ELP2: variants seen among roughly 807,000 people sequenced by gnomAD.
ELP2 encodes the protein elongator acetyltransferase complex subunit 2.
Under a neutral mutation model 119.2 loss-of-function variants are expected in ELP2, and 90 were observed. The ratio of observed to expected loss-of-function variants is 0.75; its 90% CI spans 0.64 to 0.90. The LOEUF (loss-of-function observed/expected upper bound fraction) is 0.90. Ranked by LOEUF, ELP2 falls within the 40% of genes least tolerant of loss-of-function variation. The probability of loss-of-function intolerance (pLI) is 0.00; values close to 1 mark genes in which losing one functional copy is unlikely to be tolerated. For missense variants in ELP2, 921 were observed against 967.8 expected, an observed-to-expected ratio of 0.95 and a Z score of 0.64; for synonymous variants, 339 against 331.0, an observed-to-expected ratio of 1.02 and a Z score of -0.26.
At position 36,133,293 on chromosome 18, in the gene ELP2, A is replaced by G; in HGVS notation, c.194A>G (p.Gln65Arg). The G allele has an allele frequency of 1.9e-6, 3 of 1,613,662 alleles. No individual in the cohort carries two copies. The highest frequency in any genetic ancestry group is 2.5e-6 in the Non-Finnish European group (3 of 1,179,564). ...NGHTARVNCIQWICKQDGSPS... is the reference protein window; with the variant it reads ...NGHTARVNCIRWICKQDGSPS... Reference sequence around the variant, plus strand: ...CACACCGCCCGAGTCAATTGCATACAGTGGATTTGTAAACAGGATGGCTGT... The same window carrying G: ...CACACCGCCCGAGTCAATTGCATACGGTGGATTTGTAAACAGGATGGCTGT... Residue 65 changes from glutamine to arginine, a missense_variant, in exon 2 of 22, where the codon CAG becomes CGG. By Grantham distance (43) the Gln-to-Arg change is conservative. Transcript: ENST00000358232.
At chr18:36,143,534 G>T (rs1386751674) in intron 8 of ELP2, among the ~76,000 whole-genome samples, 1 of 149,948 alleles carries the variant, frequency 6.7e-6, no homozygotes, top group East Asian at 2.0e-4. Flanking sequence ...TTCCTGAGTA[G>T]CTAGGACTAC....
At chr18:36,143,075 T>G (rs2090086879) in intron 8 of ELP2, 109 bp downstream of exon 8, 2 of 777,594 alleles carry the variant, frequency 2.6e-6, no homozygotes, top group Non-Finnish European at 4.2e-6. Context: ...AATTGTCAGA[T>G]TCCTACCTGA....
chr18:36,174,737 G>A lies in ELP2; in HGVS notation c.*96G>A. 4 of 1,287,870 alleles carry A rather than the reference G, an allele frequency of 3.1e-6. No homozygotes were observed. The highest frequency in any genetic ancestry group is 4.3e-6 in the Non-Finnish European group (4 of 928,558). The allele number at this position is 1,287,870 out of a possible 1,614,324, so 79.8% of individuals were successfully genotyped here. A position where few individuals can be genotyped will look rare whatever the true frequency, so the allele number is the denominator to read the frequency against. ...CCTTCATAACTGAATTGAGTTTCTGGGTTTTTTTTTTTTTTGAGATGGAGT... is the reference window on the plus strand; with the variant it reads ...CCTTCATAACTGAATTGAGTTTCTGAGTTTTTTTTTTTTTTGAGATGGAGT... On this transcript the variant is annotated 3_prime_UTR_variant, in exon 22 of 22. Transcript: ENST00000358232.
intron 8 of ELP2, among the ~76,000 whole-genome samples, chr18:36,143,487 A>G (rs2090105629): frequency 7.3e-6 from 1 of 136,162 alleles, no homozygotes; most frequent in African/African-American, 2.8e-5. Context: ...ATCACAGCTC[A>G]CTGCAGCCTT....
At position 36,160,016 on chromosome 18, in the gene ELP2, G is replaced by GT; in HGVS notation, c.1688+2dup. ...CTTTGTGGCCTGAAGTTCAAAAACT[G>GT]TAAGTTAAACTGTATTTAGCTCTTT... On this transcript the variant is annotated splice_donor_variant, in intron 16 of 21. Transcript: ENST00000358232. LOFTEE classifies it high-confidence loss of function. The GT allele has an allele frequency of 6.2e-7, 1 of 1,613,684 alleles. No individual in the cohort carries two copies. The highest frequency in any genetic ancestry group is 2.2e-5 in the East Asian group (1 of 44,862).
chr18:36,156,655 G>A lies in ELP2; in HGVS notation c.1464+1G>A. The A allele has an allele frequency of 3.1e-6, 5 of 1,613,244 alleles. No homozygotes were observed. Among genetic ancestry groups the A allele is most frequent in the Admixed American group, 3.3e-5 (2 of 60,014 alleles). ...ATCACTGAATCATGTGCTCTGTAAT[G>A]TGAGTATTTCTCTAAATATTTTACC... On this transcript the variant is annotated splice_donor_variant, in intron 13 of 21. Coordinates refer to ENST00000358232, the MANE Select transcript of ELP2 (RefSeq NM_018255.4). LOFTEE classifies it high-confidence loss of function.
intron 17 of ELP2, among the ~76,000 whole-genome samples, chr18:36,162,599 C>T (rs888942543): frequency 3.9e-5 from 6 of 152,002 alleles, no homozygotes; most frequent in African/African-American, 1.2e-4. Context: ...GTGGAATTGC[C>T]GGATGGTATG....
rs1475977412 is a variant in ELP2, at chr18:36,176,586, G to T, written c.*1945G>T. On this transcript the variant is annotated 3_prime_UTR_variant, in exon 22 of 22. Transcript: ENST00000358232. ...AATTGTCCTCAAGCATCTTCCTCTGGAATCACCTTACTGTTTAGTAAACAT... is the reference window on the plus strand; with the variant it reads ...AATTGTCCTCAAGCATCTTCCTCTGTAATCACCTTACTGTTTAGTAAACAT... 6.6e-6 allele frequency: 1 copy of T among 152,178 alleles called. No individual in the cohort carries two copies. The highest frequency in any genetic ancestry group is 1.5e-5 in the Non-Finnish European group (1 of 68,038). 9.4% of individuals were successfully genotyped at this position (152,178 alleles called of 1,614,324 possible).
intron 18 of ELP2, among the ~76,000 whole-genome samples, chr18:36,165,607 C>T (rs1181962220): frequency 1.3e-5 from 2 of 152,212 alleles, no homozygotes; most frequent in African/African-American, 2.4e-5. Context: ...GTCCACCAGG[C>T]ACAGTGGCTC....
intron 17 of ELP2, among the ~76,000 whole-genome samples, chr18:36,161,228 C>T (rs952830148): frequency 1.3e-5 from 2 of 152,030 alleles, no homozygotes; most frequent in Non-Finnish European, 2.9e-5. Flanking sequence ...TCTGTGCCTC[C>T]CTGCTAAAAG....
intron 3 of ELP2, 151 bp downstream of exon 3, chr18:36,136,528 A>C (rs2089832716): frequency 1.4e-6 from 1 of 693,326 alleles, no homozygotes; most frequent in Non-Finnish European, 2.6e-6. Context: ...CAGGTGCCTG[A>C]CACCATGCCT....
chr18:36,159,422 G>A (rs982824509), intron 14 of ELP2, among the ~76,000 whole-genome samples: 12 of 152,098 alleles, frequency 7.9e-5, no homozygotes, highest in Non-Finnish European at 7.4e-5. Flanking sequence ...CACAAAGTAT[G>A]TGTTTTGGTG....
intron 3 of ELP2, chr18:36,137,033 A>G (rs2089851274): frequency 6.6e-6 from 1 of 152,022 alleles, no homozygotes; most frequent in South Asian, 2.1e-4. Flanking sequence ...AAAAAAGGTT[A>G]TAAATACAAA....
At position 36,130,051 on chromosome 18, in the gene ELP2, G is replaced by A; in HGVS notation, c.118G>A (p.Val40Met). 1 of 1,614,182 alleles carries A rather than the reference G, an allele frequency of 6.2e-7. No homozygotes were observed. Among genetic ancestry groups the A allele is most frequent in the Non-Finnish European group, 8.5e-7 (1 of 1,180,030 alleles). ...GLLAFGTSCS[V>M]VLYDPLKRVV... Reference sequence around the variant, plus strand: ...TCTGGCCTTTGGCACGTCCTGCTCCGTGGTGCTCTATGACCCCCTGGTAAG... The same window carrying A: ...TCTGGCCTTTGGCACGTCCTGCTCCATGGTGCTCTATGACCCCCTGGTAAG... The change falls in exon 1 of 22, where the codon GTG becomes ATG. Residue 40 changes from valine (V) to methionine (M), a missense_variant. Physicochemically the swap from Val to Met is conservative, Grantham distance 21. Transcript: ENST00000358232.
At position 36,142,853 on chromosome 18, in the gene ELP2, C is replaced by T. The variant is rs746200243; in HGVS notation, c.683C>T (p.Ser228Leu). The T allele has an allele frequency of 1.2e-5, 20 of 1,604,666 alleles. No homozygotes were observed. The highest frequency in any genetic ancestry group is 1.1e-5 in the Non-Finnish European group (13 of 1,172,932). ...AGAGATCTTTTCCTAGCAAGCTGTT[C>T]ACAAGATTGCCTGATAAGAATATGG... Reference protein sequence around the residue: ...FGRDLFLASCSQDCLIRIWKL... With the variant: ...FGRDLFLASCLQDCLIRIWKL... The change falls in exon 8 of 22, where the codon TCA becomes TTA. Residue 228 changes from serine (S) to leucine (L), a missense_variant. Physicochemically the swap from Ser to Leu is moderately radical, Grantham distance 145. Transcript: ENST00000358232.
At position 36,179,780 on chromosome 18, in the gene ELP2, A is replaced by T. The variant is rs2091296348; in HGVS notation, c.*5139A>T. 6.6e-6 allele frequency: 1 copy of T among 152,234 alleles called. No homozygotes were observed. 9.4% of individuals were successfully genotyped at this position (152,234 alleles called of 1,614,324 possible). A position where few individuals can be genotyped will look rare whatever the true frequency, so the allele number is the denominator to read the frequency against. On this transcript the variant is annotated 3_prime_UTR_variant, in exon 22 of 22. Transcript: ENST00000358232. Reference sequence around the variant, plus strand: ...TACCCTTAGTCTTTGGCTTTTGCTGACATTTTCCCCTCTTATCTTTTCTCC... The same window carrying T: ...TACCCTTAGTCTTTGGCTTTTGCTGTCATTTTCCCCTCTTATCTTTTCTCC...
intron 2 of ELP2, 149 bp from the exon 3 acceptor site, chr18:36,136,158 T>G (rs968166112): frequency 4.7e-6 from 3 of 643,014 alleles, no homozygotes; most frequent in Non-Finnish European, 8.4e-6. Context: ...AGAGGAAGAG[T>G]GAGATATTAA....
chr18:36,144,674 T>C (rs748898509), intron 8 of ELP2, among the ~76,000 whole-genome samples: 14 of 152,196 alleles, frequency 9.2e-5, no homozygotes, highest in Non-Finnish European at 1.9e-4. Flanking sequence ...TCTCAGAAAA[T>C]TGTAAAAATA....
intron 10 of ELP2, 23 bp from the exon 11 acceptor site, chr18:36,146,227 G>C: frequency 6.2e-7 from 1 of 1,613,938 alleles, no homozygotes; most frequent in South Asian, 1.1e-5. Context: ...ATTAAGAATT[G>C]TTTTCTGTCT....
Sources: gnomAD v4.1 joint callset for allele counts (sites outside exome capture counted in the v4.1 genomes callset) on GRCh38, gnomAD v4.1.1 for gene constraint, MANE v1.5 for transcripts, NCBI Gene and HGNC (gene_info 2026-07-23, HGNC 2026-07-21) for gene names.